The following CSMD1 variants were observed in gnomAD, a reference collection of about 807,000 sequenced individuals.
The protein encoded by CSMD1 is CUB and Sushi multiple domains 1, also known as CUB and sushi domain-containing protein 1.
CSMD1 carries 213 observed loss-of-function variants against 417.5 expected under a neutral mutation model. The observed-to-expected ratio is 0.51, with a 90% CI of 0.46 to 0.57. The LOEUF (loss-of-function observed/expected upper bound fraction) is 0.57. Among genes scored for constraint, CSMD1 ranks in the 20% least tolerant of loss-of-function variants. CSMD1 has a pLI of 0.00. For synonymous variants in CSMD1, 2,862 were observed against 1,736.8 expected (o/e 1.65, Z -16.11); for missense variants, 6,923 against 4,529.7 (o/e 1.53, Z -15.17).
At chr8:3,770,074 T>A (rs1798488169) in intron 5 of CSMD1, among the ~76,000 whole-genome samples, 1 of 152,228 alleles carries the variant, frequency 6.6e-6, no homozygotes, top group Non-Finnish European at 1.5e-5. Context: ...TGCGTCTCTA[T>A]TTCCAGATTA....
intron 1 of CSMD1, among the ~76,000 whole-genome samples, chr8:4,756,982 T>A (rs749143546): frequency 6.6e-6 from 1 of 152,164 alleles, no homozygotes; most frequent in East Asian, 1.9e-4. Flanking sequence ...GAGGAAAGAG[T>A]GCAGATATAG....
chr8:2,944,441 C>T (rs926507283), intron 68 of CSMD1, among the ~76,000 whole-genome samples: 1 of 152,154 alleles, frequency 6.6e-6, no homozygotes, highest in African/African-American at 2.4e-5. Context: ...TGGTGCCCTA[C>T]TCAGATGGCA....
intron 49 of CSMD1, 122 bp from the exon 50 acceptor site, chr8:3,052,769 T>G: frequency 1.6e-6 from 1 of 625,196 alleles, no homozygotes; most frequent in African/African-American, 2.4e-5. Flanking sequence ...TGAATTATAT[T>G]TCTTTTTTTT....
intron 1 of CSMD1, among the ~76,000 whole-genome samples, chr8:4,970,348 A>T (rs1477687255): frequency 6.6e-6 from 1 of 152,138 alleles, no homozygotes; most frequent in Non-Finnish European, 1.5e-5. Context: ...AGTACCCAGA[A>T]CAAAAAGATT....
At chr8:4,593,005 T>C (rs1023390748) in intron 2 of CSMD1, among the ~76,000 whole-genome samples, 1 of 152,234 alleles carries the variant, frequency 6.6e-6, no homozygotes, top group Non-Finnish European at 1.5e-5. Context: ...CATAAAACTA[T>C]TTAGAAAATT....
At chr8:3,813,005 G>T (rs1371687133) in intron 5 of CSMD1, among the ~76,000 whole-genome samples, 6 of 151,710 alleles carry the variant, frequency 4.0e-5, no homozygotes, top group African/African-American at 1.5e-4. Flanking sequence ...TTAACTCTTA[G>T]ATTACTTAAT....
chr8:4,357,978 G>C (rs1268040894), intron 3 of CSMD1, among the ~76,000 whole-genome samples: 2 of 152,076 alleles, frequency 1.3e-5, no homozygotes, highest in African/African-American at 2.4e-5. Context: ...CTCAGTTTAA[G>C]ATGTATAATA....
At chr8:3,935,445 G>C (rs1323364510) in intron 5 of CSMD1, among the ~76,000 whole-genome samples, 3 of 152,144 alleles carry the variant, frequency 2.0e-5, no homozygotes, top group Non-Finnish European at 2.9e-5. Flanking sequence ...AAGTTTCCTG[G>C]CAACCCGACA....
intron 10 of CSMD1, among the ~76,000 whole-genome samples, chr8:3,503,837 C>T (rs1467949042): frequency 6.7e-6 from 1 of 148,910 alleles, no homozygotes; most frequent in Non-Finnish European, 1.5e-5. Flanking sequence ...CCCCTTGCCC[C>T]CCCCCAACCC....
chr8:4,647,421 A>AC (rs1382054321), intron 1 of CSMD1, among the ~76,000 whole-genome samples: 10 of 148,134 alleles, frequency 6.8e-5, no homozygotes, highest in Non-Finnish European at 1.3e-4. Flanking sequence ...CGCGTGTGCC[A>AC]CGGCGGCCTG....
intron 52 of CSMD1, among the ~76,000 whole-genome samples, chr8:3,003,717 T>C (rs1028754046): frequency 7.9e-5 from 12 of 152,120 alleles, no homozygotes; most frequent in African/African-American, 2.7e-4. Context: ...TGTGCGGACC[T>C]AGCAGGCTGG....
At chr8:4,182,541 G>C (rs564700449) in intron 3 of CSMD1, among the ~76,000 whole-genome samples, 5 of 152,046 alleles carry the variant, frequency 3.3e-5, no homozygotes, top group African/African-American at 9.7e-5. Flanking sequence ...ATCGATATTT[G>C]TTCCTTTCAA....
chr8:3,028,795 T>A (rs2128976160), intron 51 of CSMD1, among the ~76,000 whole-genome samples: 1 of 152,238 alleles, frequency 6.6e-6, no homozygotes, highest in South Asian at 2.1e-4. Context: ...ACTAGACACA[T>A]CTGATTCAGA....
At chr8:4,817,093 G>A (rs575695080) in intron 1 of CSMD1, among the ~76,000 whole-genome samples, 32 of 152,180 alleles carry the variant, frequency 2.1e-4, no homozygotes, top group Non-Finnish European at 4.0e-4. Context: ...ACTTTATTAT[G>A]TGTATATACA....
intron 4 of CSMD1, among the ~76,000 whole-genome samples, chr8:4,014,212 G>C (rs1796410898): frequency 1.3e-5 from 2 of 152,230 alleles, no homozygotes; most frequent in Admixed American, 6.5e-5. Flanking sequence ...AACATTCCTA[G>C]AAATCTTTCC....
intron 2 of CSMD1, among the ~76,000 whole-genome samples, chr8:4,420,362 G>GC (rs1386151859): frequency 6.6e-6 from 1 of 151,614 alleles, no homozygotes; most frequent in Admixed American, 6.6e-5. Flanking sequence ...ATTATCTACT[G>GC]CCAACTTTTT....
chr8:4,458,133 A>G (rs183950124), intron 2 of CSMD1, among the ~76,000 whole-genome samples: 1 of 152,214 alleles, frequency 6.6e-6, no homozygotes, highest in East Asian at 1.9e-4. Context: ...TGTTTAAATT[A>G]CTTTATGGTT....
At chr8:4,892,917 T>C (rs908484160) in intron 1 of CSMD1, among the ~76,000 whole-genome samples, 5 of 152,136 alleles carry the variant, frequency 3.3e-5, no homozygotes, top group African/African-American at 1.2e-4. Flanking sequence ...ATTAATGAAG[T>C]GAATATATTT....
chr8:3,227,138 C>T (rs1422850296), intron 27 of CSMD1, among the ~76,000 whole-genome samples: 1 of 152,142 alleles, frequency 6.6e-6, no homozygotes, highest in Admixed American at 6.5e-5. Context: ...CGATGGCTCA[C>T]ACCTGCAATC....
Sources: gnomAD v4.1 joint callset for allele counts (sites outside exome capture counted in the v4.1 genomes callset) on GRCh38, gnomAD v4.1.1 for gene constraint, MANE v1.5 for transcripts, NCBI Gene and HGNC (gene_info 2026-07-23, HGNC 2026-07-21) for gene names.